CACNB2: variants seen among roughly 807,000 people sequenced by gnomAD.
The protein encoded by CACNB2 is voltage-dependent L-type calcium channel subunit beta-2.
Under a neutral mutation model 73.3 loss-of-function variants are expected in CACNB2, and 42 were observed. That is an observed-to-expected ratio of 0.57 (90% CI 0.45 to 0.74). The LOEUF is 0.74. Ranked by LOEUF, CACNB2 falls within the 30% of genes least tolerant of loss-of-function variation. The pLI is 0.00. For missense variants in CACNB2, 940 were observed against 853.0 expected, an observed-to-expected ratio of 1.10 and a Z score of -1.27; for synonymous variants, 348 against 310.3, an observed-to-expected ratio of 1.12 and a Z score of -1.28.
chr10:18,271,021 A>T (rs948754646), intron 2 of CACNB2, among the ~76,000 whole-genome samples: 1 of 152,170 alleles, frequency 6.6e-6, no homozygotes, highest in African/African-American at 2.4e-5. Flanking sequence ...TCAGTCTATG[A>T]AGCTTCCCCT....
intron 10 of CACNB2, among the ~76,000 whole-genome samples, chr10:18,528,483 A>C (rs1337561389): frequency 2.6e-5 from 4 of 152,180 alleles, no homozygotes. Flanking sequence ...GAGTTGTGTC[A>C]GATCTTTGAG....
chr10:18,203,556 A>G (rs2034972226), intron 2 of CACNB2, among the ~76,000 whole-genome samples: 1 of 152,166 alleles, frequency 6.6e-6, no homozygotes, highest in Non-Finnish European at 1.5e-5. Context: ...AAGATGACTT[A>G]ATGAGGGGGA....
chr10:18,146,306 ATTT>A (rs10714038), intron 1 of CACNB2, among the ~76,000 whole-genome samples: 37 of 118,908 alleles, frequency 3.1e-4, no homozygotes, highest in East Asian at 6.9e-4. Flanking sequence ...ATGGAGACTA[ATTT>A]TTTTTTTTTT....
chr10:18,286,563 T>C (rs1170110546), intron 2 of CACNB2, among the ~76,000 whole-genome samples: 1 of 148,328 alleles, frequency 6.7e-6, no homozygotes, highest in Non-Finnish European at 1.5e-5. Flanking sequence ...GAACATTACT[T>C]ATGCTTGCTT....
chr10:18,466,971 T>C (rs2047923131), intron 3 of CACNB2, among the ~76,000 whole-genome samples: 1 of 152,066 alleles, frequency 6.6e-6, no homozygotes, highest in Non-Finnish European at 1.5e-5. Flanking sequence ...CTGGCCAACA[T>C]GGTGAAATCC....
At chr10:18,476,376 T>G (rs2048440207) in intron 3 of CACNB2, among the ~76,000 whole-genome samples, 1 of 152,186 alleles carries the variant, frequency 6.6e-6, no homozygotes, top group Non-Finnish European at 1.5e-5. Flanking sequence ...GAAAACAAAG[T>G]ATACTCTACA....
chr10:18,318,951 A>G (rs946847036), intron 2 of CACNB2, among the ~76,000 whole-genome samples: 2 of 152,222 alleles, frequency 1.3e-5, no homozygotes, highest in African/African-American at 4.8e-5. Flanking sequence ...GAAACAATAG[A>G]TGCTGGTGAG....
intron 2 of CACNB2, among the ~76,000 whole-genome samples, chr10:18,189,738 G>A (rs58887549): frequency 0.066 from 10,058 of 152,218 alleles, 417 homozygotes; most frequent in East Asian, 0.23. Context: ...AGCATTAACA[G>A]TGTGAATACT....
At chr10:18,472,769 A>G (rs2048259008) in intron 3 of CACNB2, among the ~76,000 whole-genome samples, 1 of 152,246 alleles carries the variant, frequency 6.6e-6, no homozygotes, top group Admixed American at 6.5e-5. Flanking sequence ...GCCTTTCAGG[A>G]AGAATTTCAG....
intron 3 of CACNB2, among the ~76,000 whole-genome samples, chr10:18,406,356 G>A (rs546751249): frequency 6.6e-6 from 1 of 152,286 alleles, no homozygotes; most frequent in East Asian, 1.9e-4. Context: ...ATTCTGTTAG[G>A]AACCAGGCTA....
intron 3 of CACNB2, among the ~76,000 whole-genome samples, chr10:18,415,803 G>C (rs2044924571): frequency 6.6e-6 from 1 of 152,158 alleles, no homozygotes; most frequent in African/African-American, 2.4e-5. Flanking sequence ...ACAATTGTAT[G>C]AAGTATTTCA....
chr10:18,347,747 G>A (rs2041528074), intron 2 of CACNB2, among the ~76,000 whole-genome samples: 1 of 152,104 alleles, frequency 6.6e-6, no homozygotes, highest in Admixed American at 6.6e-5. Context: ...TTGAGACCAT[G>A]TTTCTAACAA....
At chr10:18,403,955 A>G (rs938985152) in intron 3 of CACNB2, among the ~76,000 whole-genome samples, 8 of 151,964 alleles carry the variant, frequency 5.3e-5, no homozygotes, top group Non-Finnish European at 1.2e-4. Context: ...ACTTAATTGT[A>G]TATTTTTAAA....
intron 2 of CACNB2, among the ~76,000 whole-genome samples, chr10:18,377,583 GTTC>G (rs778281891): frequency 1.5e-4 from 23 of 152,308 alleles, no homozygotes; most frequent in Middle Eastern, 3.4e-3. Context: ...AACATGAGAT[GTTC>G]TTCTTCTTTT....
intron 2 of CACNB2, among the ~76,000 whole-genome samples, chr10:18,293,634 G>A (rs1012642206): frequency 2.0e-5 from 3 of 152,134 alleles, no homozygotes; most frequent in African/African-American, 4.8e-5. Context: ...AAAAATTTAG[G>A]AGCACTTATT....
At chr10:18,488,959 C>A (rs2049242238) in intron 3 of CACNB2, among the ~76,000 whole-genome samples, 2 of 151,692 alleles carry the variant, frequency 1.3e-5, no homozygotes, top group Non-Finnish European at 2.9e-5. Flanking sequence ...GGGTAGATCA[C>A]CTGAGGTCAA....
At chr10:18,321,184 A>C (rs1332471132) in intron 2 of CACNB2, among the ~76,000 whole-genome samples, 2 of 152,206 alleles carry the variant, frequency 1.3e-5, no homozygotes, top group Non-Finnish European at 2.9e-5. Flanking sequence ...ACATTTTCTC[A>C]GATAAGTGGG....
At chr10:18,356,984 G>T (rs1299467211) in intron 2 of CACNB2, among the ~76,000 whole-genome samples, 14 of 108,190 alleles carry the variant, frequency 1.3e-4, no homozygotes, top group Non-Finnish European at 2.4e-4. Context: ...TCGCTCTGTC[G>T]CCCAGGCTGG....
intron 2 of CACNB2, among the ~76,000 whole-genome samples, chr10:18,157,233 A>G (rs2032123201): frequency 1.3e-5 from 2 of 152,248 alleles, no homozygotes; most frequent in South Asian, 2.1e-4. Flanking sequence ...AGATTTATTT[A>G]AACAGTTTTC....
Sources: allele counts gnomAD v4.1 joint callset (sites outside exome capture counted in the v4.1 genomes callset), GRCh38; gene constraint gnomAD v4.1.1; transcripts MANE v1.5; gene names NCBI Gene and HGNC (gene_info 2026-07-23, HGNC 2026-07-21).